Variants in RBFOX1 observed in about 807,000 individuals in gnomAD.
The protein encoded by RBFOX1 is RNA binding fox-1 homolog 1, also known as RNA binding protein fox-1 homolog 1.
Under a neutral mutation model 57.7 loss-of-function variants are expected in RBFOX1, and 8 were observed. The ratio of observed to expected loss-of-function variants is 0.14; its 90% confidence interval spans 0.08 to 0.25. RBFOX1 has a LOEUF of 0.25. Ranked by LOEUF, RBFOX1 falls within the 10% of genes least tolerant of loss-of-function variation. RBFOX1 has a pLI of 1.00. For synonymous variants in RBFOX1, 326 were observed against 222.4 expected (o/e 1.47, Z -4.15); for missense variants, 611 against 548.5 (o/e 1.11, Z -1.14).
chr16:7,279,551 G>A (rs936294707), intron 4 of RBFOX1, among the ~76,000 whole-genome samples: 1 of 152,176 alleles, frequency 6.6e-6, no homozygotes, highest in Non-Finnish European at 1.5e-5. Context: ...GGGGTAAAGT[G>A]ACAGGCTGAT....
At chr16:6,337,828 T>C (rs143803789) in intron 2 of RBFOX1, among the ~76,000 whole-genome samples, 1 of 152,308 alleles carries the variant, frequency 6.6e-6, no homozygotes, top group East Asian at 1.9e-4. Flanking sequence ...TTCTTGAGAA[T>C]CCCTCCAAAG....
chr16:6,653,457 C>A (rs541535491), intron 2 of RBFOX1, among the ~76,000 whole-genome samples: 1 of 152,124 alleles, frequency 6.6e-6, no homozygotes, highest in South Asian at 2.1e-4. Context: ...GTTAATGCCA[C>A]TATTGCTTGT....
In RBFOX1 at chr16:5,256,221, A is replaced by G. The variant is rs547386143; in HGVS notation, c.219+16116A>G. On this transcript the variant is annotated intron_variant, in intron 1 of 2. Transcript: ENST00000585867. ...TGCTGTTTTAGCTGAGACTTGTGGG[A>G]TGGGTAGTAGTTGGAGATCCCAGAC... 1.2e-3 allele frequency among the ~76,000 whole-genome samples: 183 copies of G among 152,248 alleles called. 1 individual carries two copies. Among genetic ancestry groups the G allele is most frequent in the African/African-American group, 4.2e-3 (174 of 41,524 alleles).
chr16:5,875,548 G>T (rs893948203), intron 4 of RBFOX1, among the ~76,000 whole-genome samples: 1 of 152,176 alleles, frequency 6.6e-6, no homozygotes, highest in East Asian at 1.9e-4. Flanking sequence ...ATATTATTTG[G>T]TGCGTAAGTA....
chr16:5,421,229 A>T (rs1286846877), intron 1 of RBFOX1, among the ~76,000 whole-genome samples: 2 of 151,882 alleles, frequency 1.3e-5, no homozygotes, highest in East Asian at 3.9e-4. Context: ...GGTGGTCTCG[A>T]AATCCTGACC....
intron 4 of RBFOX1, among the ~76,000 whole-genome samples, chr16:7,250,448 C>T (rs1053934316): frequency 2.0e-5 from 3 of 152,164 alleles, no homozygotes; most frequent in African/African-American, 7.2e-5. Context: ...CTAAGTGAAC[C>T]ACAAGAGTTT....
chr16:6,401,961 A>C (rs1180261420), intron 2 of RBFOX1, among the ~76,000 whole-genome samples: 1 of 152,010 alleles, frequency 6.6e-6, no homozygotes, highest in Non-Finnish European at 1.5e-5. Flanking sequence ...TTAAGATCGT[A>C]ACTGATCATC....
chr16:6,027,839 C>T (rs572233511), intron 1 of RBFOX1, among the ~76,000 whole-genome samples: 11 of 152,312 alleles, frequency 7.2e-5, no homozygotes, highest in Middle Eastern at 3.4e-3. Flanking sequence ...GGGGGAAGAA[C>T]CCAGCGTAGC....
rs1265186296 is a variant in RBFOX1 at position 6,106,090 on chromosome 16, A to G, written c.-127+86098A>G. Among the ~76,000 whole-genome samples the G allele has an allele frequency of 2.6e-5, 4 of 152,244 alleles. No homozygotes were observed. The South Asian group carries it at 6.2e-4, about 24-fold the overall frequency. On this transcript the variant is annotated intron_variant, in intron 1 of 15. Transcript: ENST00000550418. ...CCATTTTCCTTCAATGGCTCTTAAA[A>G]GTAAAATAATTGGCTCCAGGTATAG...
At chr16:6,547,281 C>A (rs1808795889) in intron 2 of RBFOX1, among the ~76,000 whole-genome samples, 1 of 152,146 alleles carries the variant, frequency 6.6e-6, no homozygotes, top group South Asian at 2.1e-4. Flanking sequence ...CCAGCCCCGG[C>A]TGGTGATTTA....
At chr16:5,800,117 G>A (rs1343201625) in intron 3 of RBFOX1, among the ~76,000 whole-genome samples, 1 of 151,878 alleles carries the variant, frequency 6.6e-6, no homozygotes, top group African/African-American at 2.4e-5. Context: ...ATGTATATAG[G>A]GAGAAGTAGG....
intron 13 of RBFOX1, among the ~76,000 whole-genome samples, chr16:7,668,832 G>C (rs1368346330): frequency 6.6e-6 from 1 of 152,166 alleles, no homozygotes; most frequent in Non-Finnish European, 1.5e-5. Flanking sequence ...AAATGGTAGA[G>C]TTTATACAAA....
At chr16:6,843,929 C>T (rs536942471) in intron 3 of RBFOX1, among the ~76,000 whole-genome samples, 1 of 152,220 alleles carries the variant, frequency 6.6e-6, no homozygotes, top group African/African-American at 2.4e-5. Flanking sequence ...CCAGAATTCT[C>T]CACTGTCTCA....
intron 2 of RBFOX1, among the ~76,000 whole-genome samples, chr16:6,624,449 A>C (rs1012652526): frequency 2.0e-5 from 3 of 152,156 alleles, no homozygotes; most frequent in African/African-American, 7.2e-5. Flanking sequence ...GGGATGGTGA[A>C]TCAACCACAG....
At chr16:7,001,346 G>C (rs886909152) in intron 3 of RBFOX1, among the ~76,000 whole-genome samples, 1 of 150,444 alleles carries the variant, frequency 6.6e-6, no homozygotes, top group African/African-American at 2.5e-5. Flanking sequence ...CCCTGACTCT[G>C]TGTGTGTGTG....
At chr16:7,042,483 C>G (rs76191857) in intron 3 of RBFOX1, among the ~76,000 whole-genome samples, 14,362 of 152,196 alleles carry the variant, frequency 0.094, 1,115 homozygotes, top group East Asian at 0.32. Flanking sequence ...GAGCTAAAAT[C>G]AAATCAGCTA....
intron 2 of RBFOX1, among the ~76,000 whole-genome samples, chr16:5,596,438 C>T (rs1224116316): frequency 6.6e-6 from 1 of 152,154 alleles, no homozygotes; most frequent in Admixed American, 6.5e-5. Flanking sequence ...ATGCAGTGAC[C>T]ATTTCCATGG....
chr16:5,266,509 T>C (rs2062861849), intron 1 of RBFOX1, among the ~76,000 whole-genome samples: 1 of 151,896 alleles, frequency 6.6e-6, no homozygotes, highest in Non-Finnish European at 1.5e-5. Flanking sequence ...TGTAATGTTC[T>C]GTTTCTTGAA....
intron 1 of RBFOX1, among the ~76,000 whole-genome samples, chr16:5,351,131 C>A (rs978302742): frequency 1.3e-5 from 2 of 152,162 alleles, no homozygotes; most frequent in Admixed American, 6.5e-5. Context: ...CCATCTGATA[C>A]CCTCATTTTG....
Sources: allele counts gnomAD v4.1 joint callset (sites outside exome capture counted in the v4.1 genomes callset), GRCh38; gene constraint gnomAD v4.1.1; transcripts MANE v1.5; gene names NCBI Gene and HGNC (gene_info 2026-07-23, HGNC 2026-07-21).